STAB2: variants seen among roughly 807,000 people sequenced by gnomAD.
The protein encoded by STAB2 is stabilin-2.
STAB2 carries 288 observed loss-of-function variants against 338.1 expected under a neutral mutation model. The ratio of observed to expected loss-of-function variants is 0.85; its 90% CI spans 0.77 to 0.94. The LOEUF is 0.94. STAB2 is among the 40% of genes least tolerant of loss of function. The pLI, the probability that STAB2 is intolerant of heterozygous loss-of-function variation, is 0.00. For missense variants in STAB2, 3,141 were observed against 3,210.1 expected, an observed-to-expected ratio of 0.98 and a Z score of 0.52; for synonymous variants, 1,202 against 1,193.3, an observed-to-expected ratio of 1.01 and a Z score of -0.15.
chr12:103,667,745 G>A (rs1384164255), intron 19 of STAB2, among the ~76,000 whole-genome samples: 1 of 152,166 alleles, frequency 6.6e-6, no homozygotes, highest in Admixed American at 6.5e-5. Flanking sequence ...AAGTCTCATT[G>A]CCCTCTTCTT....
chr12:103,665,025 A>T (rs182500313), intron 18 of STAB2, among the ~76,000 whole-genome samples: 44 of 152,366 alleles, frequency 2.9e-4, no homozygotes, highest in Non-Finnish European at 4.0e-4. Context: ...CAGAATCAAG[A>T]TGTGGGTTTG....
At chr12:103,664,916 T>C (rs1372819729) in intron 18 of STAB2, among the ~76,000 whole-genome samples, 1 of 152,164 alleles carries the variant, frequency 6.6e-6, no homozygotes, top group East Asian at 1.9e-4. Context: ...CCAGCAGTGA[T>C]TTATGTTTGG....
intron 6 of STAB2, 100 bp from the exon 7 acceptor site, chr12:103,637,011 A>G: frequency 7.7e-7 from 1 of 1,304,856 alleles, no homozygotes; most frequent in South Asian, 1.8e-5. Flanking sequence ...TATTACAATG[A>G]GTTTGTATTG....
rs140037467 is a variant in STAB2, at chr12:103,587,515, G to A, written c.39G>A (p.Leu13=). The change falls in exon 1 of 69, where the codon TTG becomes TTA. Residue 13 remains leucine (L), a synonymous_variant. Transcript: ENST00000388887. ...ATTTAGTAATTTTTTGTCTTGGATT[G>A]GTTGTACAAAATTTCTGCTCCCCAG... ...LQHLVIFCLG[L]VVQNFCSPAE... is the part of the protein sequence containing the mutation. 84 of 1,614,036 alleles carry A rather than the reference G, an allele frequency of 5.2e-5. No individual in the cohort carries two copies. The East Asian group carries it at 1.8e-3, about 35-fold the overall frequency.
intron 40 of STAB2, among the ~76,000 whole-genome samples, chr12:103,712,152 A>G (rs1414765691): frequency 6.6e-6 from 1 of 152,174 alleles, no homozygotes; most frequent in Non-Finnish European, 1.5e-5. Flanking sequence ...ACCTATATCT[A>G]TGCACGCTGT....
At chr12:103,735,902 A>C (rs1882082810) in intron 52 of STAB2, among the ~76,000 whole-genome samples, 1 of 152,196 alleles carries the variant, frequency 6.6e-6, no homozygotes, top group Non-Finnish European at 1.5e-5. Flanking sequence ...AGGAAAGTAT[A>C]CAGTCATTCC....
chr12:103,669,712 C>A, intron 21 of STAB2, 85 bp downstream of exon 21: 2 of 1,208,426 alleles, frequency 1.7e-6, no homozygotes, highest in South Asian at 1.3e-5. Context: ...ATAATGCCAG[C>A]TACTCTTCCC....
At chr12:103,742,691 ATG>A in intron 56 of STAB2, 137 bp downstream of exon 56, 1 of 1,393,426 alleles carries the variant, frequency 7.2e-7, no homozygotes, top group South Asian at 1.4e-5. Flanking sequence ...TGCCTGCCCT[ATG>A]TGTTTATTTC....
rs758838641 is a variant in STAB2, at chr12:103,654,606, A to T, written c.1459A>T (p.Ile487Leu). The part of the protein sequence containing the change: ...LHGGKKKVKI[I>L]QGDIIASNGL... ...TGGAGGCAAAAAGAAGGTAAAAATT[A>T]TACAAGGGGACATCATTGCTTCCAA... Residue 487 changes from isoleucine (I) to leucine (L), a missense_variant, in exon 13 of 69, where the codon ATA becomes TTA. Physicochemically the swap from Ile to Leu is conservative, Grantham distance 5. Coordinates refer to ENST00000388887, the MANE Select transcript of STAB2 (RefSeq NM_017564.10). 3 of 1,614,210 alleles carry T rather than the reference A, an allele frequency of 1.9e-6. No individual in the cohort carries two copies. The highest frequency in any genetic ancestry group is 2.5e-6 in the Non-Finnish European group (3 of 1,180,026).
chr12:103,638,231 G>T lies in STAB2; in HGVS notation c.906+19G>T. On this transcript the variant is annotated intron_variant, in intron 8 of 68. Coordinates refer to ENST00000388887, the MANE Select transcript of STAB2 (RefSeq NM_017564.10). ...TGGACAGGTGAGCAAATGATGCAGG[G>T]AACTGATGTATCTAGAAGTTTGACA... 6.2e-7 allele frequency: 1 copy of T among 1,602,194 alleles called. No individual in the cohort carries two copies. Among genetic ancestry groups the T allele is most frequent in the South Asian group, 1.1e-5 (1 of 89,058 alleles).
chr12:103,739,008 C>G (rs1178212206), intron 53 of STAB2, among the ~76,000 whole-genome samples: 1 of 151,946 alleles, frequency 6.6e-6, no homozygotes, highest in African/African-American at 2.4e-5. Context: ...TAGGGCCTTG[C>G]TCTGTCATCC....
intron 15 of STAB2, chr12:103,657,876 A>G (rs956837723): frequency 3.3e-5 from 5 of 152,200 alleles, no homozygotes; most frequent in African/African-American, 1.2e-4. Context: ...AGTGCAGGAA[A>G]TTCCCCATCG....
In STAB2 at chr12:103,610,167, G is replaced by A. The variant is rs1432572748; in HGVS notation, c.332-10301G>A. ...AATTATCTTTTTTGGTTGTGTCTCT[G>A]CCAGGCTTTGGTATCAGGATGATGC... On this transcript the variant is annotated intron_variant, in intron 3 of 68. Coordinates refer to ENST00000388887, the MANE Select transcript of STAB2 (RefSeq NM_017564.10). Among the ~76,000 whole-genome samples, 5 of 151,822 alleles carry A rather than the reference G, an allele frequency of 3.3e-5. 1 individual carries two copies. The South Asian group carries it at 1.0e-3, about 32-fold the overall frequency.
chr12:103,659,862 T>C (rs1211327775), intron 15 of STAB2, among the ~76,000 whole-genome samples: 1 of 152,252 alleles, frequency 6.6e-6, no homozygotes, highest in African/African-American at 2.4e-5. Context: ...GTATGTGGTC[T>C]GACAAACAGA....
At chr12:103,661,515 A>G (rs1043287447) in intron 17 of STAB2, among the ~76,000 whole-genome samples, 1 of 152,254 alleles carries the variant, frequency 6.6e-6, no homozygotes, top group Non-Finnish European at 1.5e-5. Flanking sequence ...TGGAAATTTC[A>G]TTCTAGTAAA....
In STAB2 at chr12:103,630,659, T is replaced by C. The variant is rs539578568; in HGVS notation, c.488-939T>C. 3.9e-5 allele frequency among the ~76,000 whole-genome samples: 6 copies of C among 152,206 alleles called. No homozygotes were observed. In the East Asian group the frequency reaches 1.2e-3, roughly 29 times the overall value. ...ATGAGAAAGACAGAAGAGAGAACCA[T>C]AGAAATGGTAGCATGAGAAGGATTT... On this transcript the variant is annotated intron_variant, in intron 5 of 68. Coordinates refer to ENST00000388887, the MANE Select transcript of STAB2 (RefSeq NM_017564.10).
At position 103,737,630 on chromosome 12, in the gene STAB2, T is replaced by TTTTTTG; in HGVS notation, c.5551-3_5551-2insTTTTGT. 2.1e-6 allele frequency: 3 copies of TTTTTTG among 1,460,414 alleles called. No homozygotes were observed. Among genetic ancestry groups the TTTTTTG allele is most frequent in the South Asian group, 1.2e-5 (1 of 83,544 alleles). The allele number at this position is 1,460,414 out of a possible 1,614,324, so 90.5% of individuals were successfully genotyped here. A position where few individuals can be genotyped will look rare whatever the true frequency, so the allele number is the denominator to read the frequency against. ...TCTTTTTTTTTTTTTTTTTTCTTTC[T>TTTTTTG]TAGGGTGACCTCTTTCTGAATGGCC... On this transcript the variant is annotated splice_region_variant and splice_polypyrimidine_tract_variant and intron_variant, in intron 52 of 68. Transcript: ENST00000388887.
At chr12:103,590,365 T>A (rs1183027711) in intron 1 of STAB2, among the ~76,000 whole-genome samples, 1 of 152,210 alleles carries the variant, frequency 6.6e-6, no homozygotes, top group Non-Finnish European at 1.5e-5. Context: ...TACTTTTCAG[T>A]TGGATTGTAA....
intron 31 of STAB2, among the ~76,000 whole-genome samples, chr12:103,693,479 CTG>C (rs1878130921): frequency 1.3e-5 from 2 of 151,104 alleles, no homozygotes; most frequent in Admixed American, 6.6e-5. Flanking sequence ...CACCCTGGCA[CTG>C]TGAAGTCTGT....
Sources: gnomAD v4.1 joint callset for allele counts (sites outside exome capture counted in the v4.1 genomes callset) on GRCh38, gnomAD v4.1.1 for gene constraint, MANE v1.5 for transcripts, NCBI Gene and HGNC (gene_info 2026-07-23, HGNC 2026-07-21) for gene names.